Variants in CHD6 observed in about 807,000 individuals in gnomAD.
CHD6 encodes chromodomain helicase DNA binding protein 6, also known as ATP-dependent chromatin remodeler CHD6.
CHD6 carries 50 observed loss-of-function variants against 276.9 expected under a neutral mutation model. The ratio of observed to expected loss-of-function variants is 0.18; its 90% CI spans 0.14 to 0.23. The LOEUF (loss-of-function observed/expected upper bound fraction) is 0.23. Ranked by LOEUF, CHD6 falls within the 10% of genes least tolerant of loss-of-function variation. CHD6 has a pLI of 1.00. For missense variants in CHD6, 2,564 were observed against 3,365.8 expected, an observed-to-expected ratio of 0.76 and a Z score of 5.89; for synonymous variants, 1,173 against 1,229.3, an observed-to-expected ratio of 0.95 and a Z score of 0.96.
chr20:41,573,642 C>T (rs1347410045), intron 1 of CHD6, among the ~76,000 whole-genome samples: 1 of 151,906 alleles, frequency 6.6e-6, no homozygotes, highest in Non-Finnish European at 1.5e-5. Context: ...AACACTAGCA[C>T]ACAAGTAACT....
chr20:41,561,145 G>T (rs1183937341), intron 1 of CHD6, among the ~76,000 whole-genome samples: 1 of 152,154 alleles, frequency 6.6e-6, no homozygotes, highest in Admixed American at 6.5e-5. Context: ...AGACAAATAT[G>T]CAAACAAATG....
chr20:41,497,168 T>C lies in CHD6; in HGVS notation c.1092+216A>G, dbSNP rs935095090. On this transcript the variant is annotated intron_variant, in intron 8 of 36. Coordinates refer to ENST00000373233, the MANE Select transcript of CHD6 (RefSeq NM_032221.5). ...ATTCAGACCAAGATGCACGCCGTTA[T>C]GAGTTGTCAGTTTATAAGGTTTGAT... 5.3e-5 allele frequency: 28 copies of C among 523,682 alleles called. No individual in the cohort carries two copies. The Middle Eastern group carries it at 2.0e-3, about 38-fold the overall frequency. The allele number at this position is 523,682 out of a possible 1,614,324, so 32.4% of individuals were successfully genotyped here.
intron 2 of CHD6, among the ~76,000 whole-genome samples, chr20:41,536,787 T>C (rs2044841326): frequency 6.6e-6 from 1 of 152,212 alleles, no homozygotes; most frequent in Admixed American, 6.5e-5. Context: ...AAGGAATCCA[T>C]ACATGGATAC....
At chr20:41,468,320 G>C (rs2042975987) in intron 17 of CHD6, among the ~76,000 whole-genome samples, 1 of 152,062 alleles carries the variant, frequency 6.6e-6, no homozygotes, top group Non-Finnish European at 1.5e-5. Context: ...ATATTGGCCA[G>C]GCTGGTCTTG....
At chr20:41,507,195 T>C (rs1021754659) in intron 5 of CHD6, among the ~76,000 whole-genome samples, 2 of 152,216 alleles carry the variant, frequency 1.3e-5, no homozygotes, top group African/African-American at 2.4e-5. Flanking sequence ...CCATGAAGAA[T>C]AGATAAAAAT....
At chr20:41,490,531 G>A (rs2145861557) in intron 11 of CHD6, among the ~76,000 whole-genome samples, 1 of 152,264 alleles carries the variant, frequency 6.6e-6, no homozygotes, top group Middle Eastern at 3.4e-3. Context: ...TGGTATACCT[G>A]GCCAGGCGCG....
At chr20:41,574,348 A>C (rs1214954322) in intron 1 of CHD6, among the ~76,000 whole-genome samples, 2 of 152,206 alleles carry the variant, frequency 1.3e-5, no homozygotes, top group East Asian at 3.8e-4. Context: ...CTTGGAGATA[A>C]TGAAATCATC....
Position 41,415,309 on chromosome 20 carries a change from A to C in CHD6, c.6816T>G (p.Ile2272Met). 1 of 1,614,122 alleles carries C rather than the reference A, an allele frequency of 6.2e-7. No homozygotes were observed. The highest frequency in any genetic ancestry group is 8.5e-7 in the Non-Finnish European group (1 of 1,180,030). ...CATCTCTTCTGAGGCTTCCATTGAC[A>C]ATCTGTCCAGTCACAGGATGGATCA... Reference protein sequence around the residue: ...AGLIHPVTGQIVNGSLRRDDA... With the variant: ...AGLIHPVTGQMVNGSLRRDDA... Residue 2272 changes from isoleucine (I) to methionine (M), a missense_variant, in exon 34 of 37, where the codon ATT becomes ATG. Around this residue, in one of 7 missense-constraint regions of CHD6, gnomAD observed 1,024 missense variants for 1,047.9 expected, o/e 0.98. Transcript: ENST00000373233.
intron 15 of CHD6, 71 bp from the exon 16 acceptor site, chr20:41,483,590 A>T (rs1316977256): frequency 8.7e-7 from 1 of 1,155,498 alleles, no homozygotes; most frequent in Admixed American, 2.7e-5. Flanking sequence ...TGCTTTACAG[A>T]TCCTGGGAAA....
chr20:41,579,437 C>CAAAAA (rs574347177), intron 1 of CHD6, among the ~76,000 whole-genome samples: 14 of 69,974 alleles, frequency 2.0e-4, no homozygotes, highest in Non-Finnish European at 2.7e-4. Context: ...GACTCTGTCT[C>CAAAAA]AAAAAAAAAA....
chr20:41,597,827 T>C (rs1343845752), intron 1 of CHD6, among the ~76,000 whole-genome samples: 1 of 152,210 alleles, frequency 6.6e-6, no homozygotes, highest in Admixed American at 6.5e-5. Flanking sequence ...CTTGTCTTGT[T>C]ATACCCTGTG....
At chr20:41,413,665 A>G in intron 34 of CHD6, 150 bp from the exon 35 acceptor site, 1 of 613,004 alleles carries the variant, frequency 1.6e-6, no homozygotes, top group South Asian at 2.4e-5. Context: ...AACCCTACAC[A>G]CACCACTGAC....
intron 1 of CHD6, among the ~76,000 whole-genome samples, chr20:41,557,043 G>C (rs1467924819): frequency 6.6e-6 from 1 of 152,146 alleles, no homozygotes; most frequent in African/African-American, 2.4e-5. Context: ...GCTCAATAAA[G>C]AACAAATCAA....
At chr20:41,415,817 G>T (rs1033316550) in intron 33 of CHD6, among the ~76,000 whole-genome samples, 179 bp from the exon 34 acceptor site, 1 of 152,180 alleles carries the variant, frequency 6.6e-6, no homozygotes, top group Non-Finnish European at 1.5e-5. Flanking sequence ...TTCTACTTCA[G>T]TGGGTCTGAG....
At position 41,416,792 on chromosome 20, in the gene CHD6, G is replaced by A; in HGVS notation, c.6282C>T (p.Asp2094=). Reference sequence around the variant, plus strand: ...TATCTAGGCGGTTAATTATCACGCGGTCCTAGAAAAAAGGATAAAGCTCTG... The same window carrying A: ...TATCTAGGCGGTTAATTATCACGCGATCCTAGAAAAAAGGATAAAGCTCTG... ...TLYSFSEWPK[D]RVIINRLDNI... is the part of the protein sequence containing the mutation. Residue 2094 remains aspartate (D), a splice_region_variant and synonymous_variant, in exon 33 of 37, where the codon GAC becomes GAT. Transcript: ENST00000373233. The A allele has an allele frequency of 6.5e-7, 1 of 1,549,594 alleles. No individual in the cohort carries two copies. Among genetic ancestry groups the A allele is most frequent in the Admixed American group, 2.1e-5 (1 of 48,642 alleles).
chr20:41,604,810 T>C (rs1330984746), intron 1 of CHD6, among the ~76,000 whole-genome samples: 7 of 152,142 alleles, frequency 4.6e-5, no homozygotes, highest in Admixed American at 4.6e-4. Context: ...AGGGTTTTCA[T>C]TTCCATTTCT....
intron 1 of CHD6, among the ~76,000 whole-genome samples, chr20:41,589,843 T>C (rs1217844676): frequency 6.6e-6 from 1 of 152,214 alleles, no homozygotes; most frequent in African/African-American, 2.4e-5. Context: ...ATCACTTTCT[T>C]CACAGAATTG....
chr20:41,567,998 A>C (rs1361602451), intron 1 of CHD6, among the ~76,000 whole-genome samples: 2 of 152,368 alleles, frequency 1.3e-5, no homozygotes, highest in East Asian at 3.9e-4. Context: ...TATTCTGAGA[A>C]AATATGTAAA....
At chr20:41,422,187 A>G (rs2145476793) in intron 30 of CHD6, 108 bp from the exon 31 acceptor site, 1 of 1,149,242 alleles carries the variant, frequency 8.7e-7, no homozygotes, top group Non-Finnish European at 1.2e-6. Context: ...CTGGCTCCTC[A>G]GCATGGCAGT....
Sources: gnomAD v4.1 joint callset for allele counts (sites outside exome capture counted in the v4.1 genomes callset) on GRCh38, gnomAD v4.1.1 for gene constraint, gnomAD v4.1.1 regional missense constraint, MANE v1.5 for transcripts, NCBI Gene and HGNC (gene_info 2026-07-23, HGNC 2026-07-21) for gene names.